XYLB: variants seen among roughly 807,000 people sequenced by gnomAD.
XYLB encodes the protein xylulokinase, also known as xylulose kinase.
A neutral mutation model predicts 78.7 loss-of-function variants in XYLB; 62 were observed. The observed-to-expected ratio is 0.79, with a 90% CI of 0.64 to 0.97. The LOEUF (loss-of-function observed/expected upper bound fraction) is 0.97, where lower values mean the gene tolerates loss of function less well. Among genes scored for constraint, XYLB ranks in the 50% least tolerant of loss-of-function variants. The pLI is 0.00. For synonymous variants in XYLB, 245 were observed against 247.4 expected (o/e 0.99, Z 0.09); for missense variants, 687 against 676.8 (o/e 1.02, Z -0.17).
intron 15 of XYLB, among the ~76,000 whole-genome samples, chr3:38,383,610 A>G (rs1193505369): frequency 6.6e-6 from 1 of 152,072 alleles, no homozygotes; most frequent in Non-Finnish European, 1.5e-5. Flanking sequence ...TATCTTCACA[A>G]ATAATAATAA....
downstream of XYLB, among the ~76,000 whole-genome samples, chr3:38,422,324 A>T (rs1375783839): frequency 1.3e-5 from 2 of 152,212 alleles, no homozygotes; most frequent in African/African-American, 2.4e-5. Context: ...ACAACTCCTG[A>T]TTGTGCCATA....
At chr3:38,372,552 A>C (rs1471277185) in intron 9 of XYLB, 103 bp from the exon 10 acceptor site, 1 of 1,586,422 alleles carries the variant, frequency 6.3e-7, no homozygotes, top group Non-Finnish European at 8.6e-7. Flanking sequence ...AGGTCTGGTG[A>C]CCTGGAGACT....
At chr3:38,355,556 G>A (rs1179970060) in intron 2 of XYLB, among the ~76,000 whole-genome samples, 1 of 152,182 alleles carries the variant, frequency 6.6e-6, no homozygotes, top group African/African-American at 2.4e-5. Flanking sequence ...CTTATCAGCT[G>A]TCTTCCAAAC....
chr3:38,366,741 C>T (rs1451682743), intron 6 of XYLB, 67 bp from the exon 7 acceptor site: 1 of 1,143,078 alleles, frequency 8.7e-7, no homozygotes, highest in Non-Finnish European at 1.3e-6. Context: ...ATTAAACTCA[C>T]TTTGTGGAGG....
chr3:38,382,651 G>C lies in XYLB; in HGVS notation c.1291+3309G>C, dbSNP rs1317265503. On this transcript the variant is annotated intron_variant, in intron 15 of 18. Transcript: ENST00000207870. ...AAATGAGACTGGGTGAGCAGGGCAG[G>C]GTTGGTGCTGGAGTTGGTGGAGTGC... Among the ~76,000 whole-genome samples the C allele has an allele frequency of 2.0e-5, 3 of 152,308 alleles. No individual in the cohort carries two copies. The East Asian group carries it at 5.8e-4, about 29-fold the overall frequency.
chr3:38,381,211 TC>T (rs1707128068), intron 15 of XYLB, among the ~76,000 whole-genome samples: 1 of 152,230 alleles, frequency 6.6e-6, no homozygotes, highest in Non-Finnish European at 1.5e-5. Context: ...TTTTATAATT[TC>T]TTACACCTGT....
intron 2 of XYLB, chr3:38,355,775 A>C (rs767143305): frequency 2.7e-5 from 19 of 703,560 alleles, no homozygotes; most frequent in Admixed American, 1.2e-4. Context: ...AACATGACAG[A>C]GCCACCATCA....
At chr3:38,379,151 CTGT>C in intron 14 of XYLB, 92 bp from the exon 15 acceptor site, 1 of 1,262,186 alleles carries the variant, frequency 7.9e-7, no homozygotes, top group Non-Finnish European at 1.2e-6. Flanking sequence ...CAAATCTGGG[CTGT>C]TGTTTAAAAA....
intron 18 of XYLB, among the ~76,000 whole-genome samples, chr3:38,406,795 G>C (rs1708341675): frequency 1.3e-5 from 2 of 152,166 alleles, no homozygotes; most frequent in Admixed American, 1.3e-4. Context: ...GATGGAAGAT[G>C]AAATGAATGA....
chr3:38,401,110 A>G (rs1708109919), intron 18 of XYLB, 125 bp downstream of exon 18: 1 of 808,978 alleles, frequency 1.2e-6, no homozygotes, highest in East Asian at 2.7e-5. Flanking sequence ...ATTCTGCTTT[A>G]TTGAAATTAT....
chr3:38,447,708 A>G, the XYLB span, among the ~76,000 whole-genome samples: 3 of 152,122 alleles, frequency 2.0e-5, no homozygotes, highest in African/African-American at 7.2e-5. Flanking sequence ...TCTAAAAACT[A>G]AAAACAGAAT....
At chr3:38,362,126 C>G (rs1706007717) in intron 3 of XYLB, among the ~76,000 whole-genome samples, 1 of 152,208 alleles carries the variant, frequency 6.6e-6, no homozygotes, top group African/African-American at 2.4e-5. Flanking sequence ...GGGCCTGATG[C>G]TTTGCTCTCA....
intron 18 of XYLB, among the ~76,000 whole-genome samples, chr3:38,403,524 C>T (rs1708198500): frequency 6.6e-6 from 1 of 152,088 alleles, no homozygotes; most frequent in Admixed American, 6.6e-5. Context: ...TATTCGAAGG[C>T]AGGGATCAGA....
Position 38,413,121 on chromosome 3 carries a change from C to A in XYLB, c.*108C>A. On this transcript the variant is annotated 3_prime_UTR_variant, in exon 19 of 19. Transcript: ENST00000207870. ...TCTGTTCTGAACAGCTCTTCCTGCCCCTACTGACTCCTTGGAGTGTCCAGG... is the reference window on the plus strand; with the variant it reads ...TCTGTTCTGAACAGCTCTTCCTGCCACTACTGACTCCTTGGAGTGTCCAGG... 1 of 1,101,404 alleles carries A rather than the reference C, an allele frequency of 9.1e-7. No individual in the cohort carries two copies. Among genetic ancestry groups the A allele is most frequent in the East Asian group, 2.7e-5 (1 of 36,478 alleles). 68.2% of individuals were successfully genotyped at this position (1,101,404 alleles called of 1,614,324 possible).
At chr3:38,421,024 G>T (rs190891611), downstream of XYLB, among the ~76,000 whole-genome samples, 2 of 152,218 alleles carry the variant, frequency 1.3e-5, no homozygotes, top group South Asian at 2.1e-4. Context: ...TCTGCTCCTC[G>T]CTGAGATTGC....
At chr3:38,365,566 A>G in intron 5 of XYLB, 42 bp from the exon 6 acceptor site, 1 of 1,572,176 alleles carries the variant, frequency 6.4e-7, no homozygotes, top group Non-Finnish European at 8.7e-7. Context: ...TCTCCAAGTC[A>G]GCGGATGGAG....
At chr3:38,396,433 T>C (rs2070989) in intron 16 of XYLB, among the ~76,000 whole-genome samples, 10,689 of 152,232 alleles carry the variant, frequency 0.07, 431 homozygotes, top group East Asian at 0.12. Flanking sequence ...AGCGGTGGCC[T>C]ATGCTCAGCC....
the XYLB span, among the ~76,000 whole-genome samples, chr3:38,430,176 T>A: frequency 6.6e-6 from 1 of 152,208 alleles, no homozygotes; most frequent in Non-Finnish European, 1.5e-5. Flanking sequence ...CCACCAACAA[T>A]GTAAAAGCAT....
At chr3:38,405,769 G>A (rs1297697821) in intron 18 of XYLB, among the ~76,000 whole-genome samples, 1 of 152,264 alleles carries the variant, frequency 6.6e-6, no homozygotes, top group Non-Finnish European at 1.5e-5. Flanking sequence ...CGCCCACGGA[G>A]TCTTGCTGAT....
Sources: allele counts gnomAD v4.1 joint callset (sites outside exome capture counted in the v4.1 genomes callset), GRCh38; gene constraint gnomAD v4.1.1; transcripts MANE v1.5; gene names NCBI Gene and HGNC (gene_info 2026-07-23, HGNC 2026-07-21).